PTH2R: variants seen among roughly 807,000 people sequenced by gnomAD.
The protein encoded by PTH2R is PTH2 receptor.
A neutral mutation model predicts 60.3 loss-of-function variants in PTH2R; 59 were observed. The observed-to-expected ratio is 0.98, with a 90% CI of 0.79 to 1.22. The LOEUF is 1.22. PTH2R is among the 50% of genes most tolerant of loss of function. The pLI is 0.00. For synonymous variants in PTH2R, 256 were observed against 243.8 expected, an observed-to-expected ratio of 1.05 and a Z score of -0.47; for missense variants, 749 against 682.6, an observed-to-expected ratio of 1.10 and a Z score of -1.08.
Position 208,481,148 on chromosome 2 carries a change from A to G in PTH2R, c.1060A>G (p.Thr354Ala), listed in dbSNP as rs1357891660. ...IWETNAVGHD[T>A]RKQYRKLAKS... ...GGAGACCAATGCAGTTGGGCATGAC[A>G]CAAGGAAGCAATACAGGTAATTTCA... is the stretch of plus-strand genomic sequence containing the variant. Residue 354 changes from threonine to alanine, a missense_variant, in exon 10 of 13, where the codon ACA (threonine) becomes GCA (alanine). By Grantham distance (58) the Thr-to-Ala change is moderately conservative (BLOSUM62 0). Coordinates refer to ENST00000272847, the MANE Select transcript of PTH2R (RefSeq NM_005048.4). 1.9e-6 allele frequency: 3 copies of G among 1,607,522 alleles called. No individual in the cohort carries two copies. The highest frequency in any genetic ancestry group is 1.3e-5 in the African/African-American group (1 of 74,720).
chr2:208,419,919 A>G (rs990766486), intron 1 of PTH2R, among the ~76,000 whole-genome samples: 1 of 152,244 alleles, frequency 6.6e-6, no homozygotes, highest in African/African-American at 2.4e-5. Flanking sequence ...GATTAAGAAA[A>G]TGTGGCACAT....
rs1702245709 is a variant in PTH2R at position 208,444,330 on chromosome 2, G to T, written c.700-404G>T. Reference sequence around the variant, plus strand: ...TTTATTGTTATAAGTCACTAACTTTGGGGGCAGCTTGTTTTGCAGCAATAG... The same window carrying T: ...TTTATTGTTATAAGTCACTAACTTTTGGGGCAGCTTGTTTTGCAGCAATAG... On this transcript the variant is annotated intron_variant, in intron 6 of 12. Transcript: ENST00000272847. Among the ~76,000 whole-genome samples, 2 of 152,144 alleles carry T rather than the reference G, an allele frequency of 1.3e-5. 1 individual carries two copies. Among genetic ancestry groups the T allele is most frequent in the Non-Finnish European group, 2.9e-5 (2 of 68,030 alleles).
chr2:208,387,448 T>G (rs538819671), intron 1 of PTH2R, among the ~76,000 whole-genome samples: 1 of 152,208 alleles, frequency 6.6e-6, no homozygotes, highest in African/African-American at 2.4e-5. Context: ...AAAGACACAC[T>G]CTCCTAAATG....
intron 1 of PTH2R, among the ~76,000 whole-genome samples, chr2:208,390,843 G>C (rs986666373): frequency 2.6e-5 from 4 of 152,198 alleles, no homozygotes; most frequent in Non-Finnish European, 5.9e-5. Flanking sequence ...AAAAGTATTT[G>C]ATGAGGTAGG....
intron 9 of PTH2R, among the ~76,000 whole-genome samples, chr2:208,469,076 C>T (rs1036409018): frequency 3.3e-5 from 5 of 152,288 alleles, no homozygotes; most frequent in Non-Finnish European, 7.4e-5. Context: ...ATAGGTCACA[C>T]GACTAGTATG....
intron 9 of PTH2R, among the ~76,000 whole-genome samples, chr2:208,463,656 G>A (rs755955812): frequency 1.6e-4 from 25 of 152,126 alleles, no homozygotes; most frequent in Admixed American, 7.2e-4. Context: ...TACTTTTCAC[G>A]TGTTAATAAC....
intron 1 of PTH2R, among the ~76,000 whole-genome samples, chr2:208,374,327 G>C (rs1700755131): frequency 6.6e-6 from 1 of 151,838 alleles, no homozygotes; most frequent in Admixed American, 6.6e-5. Flanking sequence ...CTCTATTGTA[G>C]AACTTTGAGA....
At chr2:208,463,327 C>T (rs1312988337) in intron 9 of PTH2R, among the ~76,000 whole-genome samples, 3 of 152,118 alleles carry the variant, frequency 2.0e-5, no homozygotes, top group Non-Finnish European at 4.4e-5. Flanking sequence ...CCCTGCTTGT[C>T]CATTCTTCCT....
chr2:208,368,371 A>T (rs909666327), intron 1 of PTH2R, among the ~76,000 whole-genome samples: 2 of 152,194 alleles, frequency 1.3e-5, no homozygotes, highest in Admixed American at 1.3e-4. Context: ...CCATGCTTAT[A>T]TGCAATAGAC....
At chr2:208,409,786 A>C (rs115262602) in intron 1 of PTH2R, among the ~76,000 whole-genome samples, 229 of 152,316 alleles carry the variant, frequency 1.5e-3, no homozygotes, top group African/African-American at 5.4e-3. Flanking sequence ...AGAGCCCAGC[A>C]ATGCATTTTC....
intron 1 of PTH2R, among the ~76,000 whole-genome samples, chr2:208,366,887 A>T (rs1700603635): frequency 6.6e-6 from 1 of 152,172 alleles, no homozygotes; most frequent in South Asian, 2.1e-4. Context: ...AATGTAGCCA[A>T]CTGTTTGAAC....
chr2:208,363,454 G>C (rs1452203124), intron 1 of PTH2R, among the ~76,000 whole-genome samples: 3 of 152,134 alleles, frequency 2.0e-5, no homozygotes, highest in Non-Finnish European at 2.9e-5. Context: ...CTTTGATATT[G>C]TGAATAGTGC....
At position 208,384,999 on chromosome 2, in the gene PTH2R, A is replaced by G. The variant is rs557460120; in HGVS notation, c.-259+24762A>G. 4.6e-5 allele frequency among the ~76,000 whole-genome samples: 7 copies of G among 152,360 alleles called. No individual in the cohort carries two copies. In the East Asian group the frequency reaches 1.3e-3, roughly 29 times the overall value. The stretch of plus-strand genomic sequence containing the variant: ...AAAAAGCCTAAGCAAAAATAGCACA[A>G]ACATTTGAAAAACACTCCTTTTTTC... On this transcript the variant is annotated intron_variant, in intron 1 of 12. Coordinates refer to the PTH2R transcript ENST00000617735.
At chr2:208,454,775 C>T (rs997890786) in intron 8 of PTH2R, among the ~76,000 whole-genome samples, 10 of 152,240 alleles carry the variant, frequency 6.6e-5, no homozygotes, top group Middle Eastern at 3.4e-3. Context: ...AGATTGTGTA[C>T]GCTTTGTGAC....
chr2:208,481,744 T>C (rs985536326), intron 10 of PTH2R, among the ~76,000 whole-genome samples: 4 of 152,180 alleles, frequency 2.6e-5, no homozygotes, highest in African/African-American at 7.2e-5. Flanking sequence ...CCAGAAAATA[T>C]CTTGATGATC....
intron 1 of PTH2R, among the ~76,000 whole-genome samples, chr2:208,397,367 T>G (rs1701230625): frequency 6.6e-6 from 1 of 151,924 alleles, no homozygotes; most frequent in African/African-American, 2.4e-5. Context: ...CTTACTCCCA[T>G]ACTTACCACT....
At chr2:208,439,228 A>G (rs185773493) in intron 4 of PTH2R, among the ~76,000 whole-genome samples, 4 of 152,276 alleles carry the variant, frequency 2.6e-5, no homozygotes, top group Admixed American at 2.6e-4. Flanking sequence ...TAAGAATAAA[A>G]ATAACTAAAG....
chr2:208,443,451 A>T lies in PTH2R; in HGVS notation c.613A>T (p.Ile205Leu). 1 of 1,613,948 alleles carries T rather than the reference A, an allele frequency of 6.2e-7. No homozygotes were observed. Reference sequence around the variant, plus strand: ...CAAAGACAGAGTAGTCCATGCTCACATAGGAGTAAAGGAGCTGGAGTCCCT... The same window carrying T: ...CAAAGACAGAGTAGTCCATGCTCACTTAGGAGTAAAGGAGCTGGAGTCCCT... ...FVKDRVVHAH[I>L]GVKELESLIM... Residue 205 changes from isoleucine to leucine, a missense_variant, in exon 6 of 13, where the codon ATA (isoleucine) becomes TTA (leucine). Physicochemically the swap from Ile to Leu is conservative, Grantham distance 5 (BLOSUM62 2). Coordinates refer to ENST00000272847, the MANE Select transcript of PTH2R (RefSeq NM_005048.4).
intron 9 of PTH2R, among the ~76,000 whole-genome samples, chr2:208,465,355 C>T (rs1474327847): frequency 1.5e-5 from 2 of 133,228 alleles, no homozygotes; most frequent in African/African-American, 5.7e-5. Flanking sequence ...TGATGATGAT[C>T]ACTTTTCACA....
Sources: allele counts gnomAD v4.1 joint callset (sites outside exome capture counted in the v4.1 genomes callset), GRCh38; gene constraint gnomAD v4.1.1; transcripts MANE v1.5; gene names NCBI Gene and HGNC (gene_info 2026-07-23, HGNC 2026-07-21).